ZMAT4: variants seen among roughly 807,000 people sequenced by gnomAD.
The protein encoded by ZMAT4 is zinc finger matrin-type protein 4.
A neutral mutation model predicts 28.7 loss-of-function variants in ZMAT4; 17 were observed. The ratio of observed to expected loss-of-function variants is 0.59; its 90% CI spans 0.41 to 0.89. The LOEUF is 0.89. Ranked by LOEUF, ZMAT4 falls within the 40% of genes least tolerant of loss-of-function variation. The probability of loss-of-function intolerance (pLI) is 0.00; values close to 1 mark genes in which losing one functional copy is unlikely to be tolerated. For synonymous variants in ZMAT4, 117 were observed against 109.2 expected (o/e 1.07, Z -0.44); for missense variants, 240 against 283.8 (o/e 0.85, Z 1.11).
rs199842808 is a variant in ZMAT4 at position 40,635,070 on chromosome 8, CTA to C, written c.577+39632_577+39633del. Among the ~76,000 whole-genome samples the C allele has an allele frequency of 8.6e-3, 1,316 of 152,264 alleles. 8 individuals carry two copies. Among genetic ancestry groups the C allele is most frequent in the Middle Eastern group, 0.024 (7 of 294 alleles). On this transcript the variant is annotated intron_variant, in intron 5 of 6. Coordinates refer to ENST00000297737, the MANE Select transcript of ZMAT4 (RefSeq NM_024645.3). ...GCAAAGACAGCAATTTCCTGGGGAT[CTA>C]TGAGTACACTGTTCAACTACAGTAC...
intron 1 of ZMAT4, among the ~76,000 whole-genome samples, chr8:40,832,138 GT>G (rs1168859184): frequency 6.6e-6 from 1 of 152,094 alleles, no homozygotes; most frequent in Non-Finnish European, 1.5e-5. Context: ...CCTTCAGTTT[GT>G]CCCCTGCCAC....
intron 5 of ZMAT4, among the ~76,000 whole-genome samples, chr8:40,615,823 T>C (rs1482085507): frequency 6.6e-6 from 1 of 152,208 alleles, no homozygotes; most frequent in Non-Finnish European, 1.5e-5. Flanking sequence ...TAGTTAGCTA[T>C]TCGTCTAATC....
At chr8:40,647,916 C>T (rs1025597895) in intron 5 of ZMAT4, among the ~76,000 whole-genome samples, 2 of 152,174 alleles carry the variant, frequency 1.3e-5, no homozygotes, top group African/African-American at 4.8e-5. Flanking sequence ...ACACCAAAAA[C>T]CATCTGTACA....
At chr8:40,550,485 GAT>G (rs1411796597) in intron 6 of ZMAT4, among the ~76,000 whole-genome samples, 2 of 152,200 alleles carry the variant, frequency 1.3e-5, no homozygotes, top group African/African-American at 4.8e-5. Context: ...AAGGCCTACT[GAT>G]ATGGTTTGGC....
chr8:40,563,662 A>T (rs1021642303), intron 6 of ZMAT4, among the ~76,000 whole-genome samples: 5 of 152,176 alleles, frequency 3.3e-5, no homozygotes, highest in African/African-American at 1.2e-4. Context: ...AATTACAATG[A>T]TATCTTATGA....
intron 2 of ZMAT4, among the ~76,000 whole-genome samples, chr8:40,800,281 AGCTCTTACTAT>A (rs1208275500): frequency 6.6e-5 from 10 of 152,356 alleles, no homozygotes; most frequent in Non-Finnish European, 1.2e-4. Context: ...AAATAAACGA[AGCTCTTACTAT>A]GCTTGGGCAC....
At chr8:40,872,502 C>G (rs537039042) in intron 1 of ZMAT4, among the ~76,000 whole-genome samples, 5 of 152,336 alleles carry the variant, frequency 3.3e-5, no homozygotes, top group African/African-American at 1.2e-4. Flanking sequence ...TCTCAAAGCT[C>G]CTGTCCTGGG....
intron 5 of ZMAT4, among the ~76,000 whole-genome samples, chr8:40,667,846 A>C (rs200782501): frequency 0.058 from 8,234 of 141,704 alleles, 293 homozygotes; most frequent in East Asian, 0.21. Context: ...AAAAAAAAAA[A>C]AACAACAAAA....
intron 3 of ZMAT4, among the ~76,000 whole-genome samples, chr8:40,755,157 G>A (rs1812623837): frequency 6.6e-6 from 1 of 152,172 alleles, no homozygotes; most frequent in African/African-American, 2.4e-5. Flanking sequence ...TAGCAACAAT[G>A]CAAATGGAAA....
At chr8:40,601,401 AAAGAAAGGAAGGAAGGAAGGAAGGAAGG>A (rs1169973914) in intron 5 of ZMAT4, among the ~76,000 whole-genome samples, 1,460 of 31,526 alleles carry the variant, frequency 0.046, 163 homozygotes, top group East Asian at 0.08. Flanking sequence ...AGGAAGGAGG[AAAGAAAGGAAGGAAGGAAGGAAGGAAGG>A]AAGGAAGGAA....
At chr8:40,536,465 A>G (rs1802850619) in intron 6 of ZMAT4, among the ~76,000 whole-genome samples, 1 of 152,208 alleles carries the variant, frequency 6.6e-6, no homozygotes, top group Non-Finnish European at 1.5e-5. Context: ...AAATGTCTTA[A>G]TATGACACAT....
At chr8:40,872,974 G>C (rs1474770775) in intron 1 of ZMAT4, among the ~76,000 whole-genome samples, 3 of 152,094 alleles carry the variant, frequency 2.0e-5, no homozygotes, top group Non-Finnish European at 4.4e-5. Flanking sequence ...AGAAACCATG[G>C]CCTCCAGGAT....
At chr8:40,695,694 A>T in intron 4 of ZMAT4, among the ~76,000 whole-genome samples, 1 of 151,536 alleles carries the variant, frequency 6.6e-6, no homozygotes, top group Non-Finnish European at 1.5e-5. Flanking sequence ...GTTTGAATTC[A>T]GGAAAACAAT....
intron 1 of ZMAT4, among the ~76,000 whole-genome samples, chr8:40,859,201 C>G (rs997650207): frequency 1.3e-5 from 2 of 152,174 alleles, no homozygotes; most frequent in Non-Finnish European, 2.9e-5. Flanking sequence ...CTTCAAGGTG[C>G]CGTGATTCCC....
intron 3 of ZMAT4, among the ~76,000 whole-genome samples, chr8:40,698,137 T>C (rs1263082777): frequency 1.3e-5 from 2 of 152,318 alleles, no homozygotes; most frequent in East Asian, 3.9e-4. Context: ...TTCTGTATCA[T>C]AAAGCTATGA....
intron 3 of ZMAT4, among the ~76,000 whole-genome samples, chr8:40,750,708 G>C (rs533313057): frequency 5.9e-5 from 9 of 152,158 alleles, no homozygotes; most frequent in Admixed American, 4.6e-4. Context: ...AAAAGAAACA[G>C]AGCAGAAAGG....
intron 3 of ZMAT4, among the ~76,000 whole-genome samples, chr8:40,702,042 T>C (rs1362183995): frequency 1.3e-5 from 2 of 152,162 alleles, no homozygotes; most frequent in Non-Finnish European, 2.9e-5. Context: ...GTGGGATTGC[T>C]GTAAAAGCAA....
chr8:40,560,197 T>TTC (rs1554520547), intron 6 of ZMAT4, among the ~76,000 whole-genome samples: 1 of 142,150 alleles, frequency 7.0e-6, no homozygotes, highest in African/African-American at 2.7e-5. Context: ...TTGTCAAACT[T>TTC]TATATATATA....
At chr8:40,611,177 C>T (rs1805780984) in intron 5 of ZMAT4, among the ~76,000 whole-genome samples, 1 of 152,120 alleles carries the variant, frequency 6.6e-6, no homozygotes, top group South Asian at 2.1e-4. Flanking sequence ...AGCATAAAAG[C>T]ATAAGTATTC....
Sources: allele counts gnomAD v4.1 joint callset (sites outside exome capture counted in the v4.1 genomes callset), GRCh38; gene constraint gnomAD v4.1.1; transcripts MANE v1.5; gene names NCBI Gene and HGNC (gene_info 2026-07-23, HGNC 2026-07-21).